Variants in CARS2 observed in about 807,000 individuals in gnomAD.
The protein encoded by CARS2 is probable cysteine--tRNA ligase, mitochondrial.
A neutral mutation model predicts 68.8 loss-of-function variants in CARS2; 52 were observed. That is an observed-to-expected ratio of 0.76 (90% CI 0.61 to 0.95). The LOEUF is 0.95. Ranked by LOEUF, CARS2 falls within the 40% of genes least tolerant of loss-of-function variation. CARS2 has a pLI of 0.00. For synonymous variants in CARS2, 314 were observed against 303.6 expected, an observed-to-expected ratio of 1.03 and a Z score of -0.36; for missense variants, 780 against 754.2, an observed-to-expected ratio of 1.03 and a Z score of -0.40.
chr13:110,710,760 C>T (rs1324874307), upstream of CARS2, among the ~76,000 whole-genome samples: 1 of 152,174 alleles, frequency 6.6e-6, no homozygotes. Flanking sequence ...GAATGTAAAG[C>T]TCCAAAAAAC....
At chr13:110,662,493 C>T (rs757427695) in intron 9 of CARS2, among the ~76,000 whole-genome samples, 15 of 152,398 alleles carry the variant, frequency 9.8e-5, no homozygotes, top group African/African-American at 1.4e-4. Context: ...GTGCCGTGCA[C>T]GCTCTAACAC....
intron 1 of CARS2, chr13:110,712,530 A>AAGGGG (rs1555306511): frequency 4.9e-5 from 12 of 246,686 alleles, no homozygotes; most frequent in Admixed American, 2.3e-4. Context: ...TTTGGCCGGA[A>AAGGGG]GGGGGGGGGC....
chr13:110,642,814 A>T (rs1284758067), intron 13 of CARS2: 1 of 662,074 alleles, frequency 1.5e-6, no homozygotes, highest in African/African-American at 1.8e-5. Flanking sequence ...CCCTGAACAC[A>T]AACGCTCCCT....
At position 110,705,397 on chromosome 13, in the gene CARS2, G is replaced by A. The variant is rs1251546375; in HGVS notation, c.275+124C>T. The A allele has an allele frequency of 6.0e-6, 4 of 668,522 alleles. No homozygotes were observed. The highest frequency in any genetic ancestry group is 6.1e-5 in the Admixed American group (2 of 32,844). The allele number at this position is 668,522 out of a possible 1,614,324, so 41.4% of individuals were successfully genotyped here. On this transcript the variant is annotated intron_variant, in intron 2 of 14. Coordinates refer to ENST00000257347, the MANE Select transcript of CARS2 (RefSeq NM_024537.4). This position sits in a 1 kb window ranked among gnomAD's most constrained non-coding sequence, Gnocchi z 4.0. ...ATGAGGTTGTAACATTTCCCACAAT[G>A]CCTGGAATGTAGGAATTATTCTGCA...
In CARS2 at chr13:110,670,224, G is replaced by A. The variant is rs543282652; in HGVS notation, c.786-2751C>T. Among the ~76,000 whole-genome samples, 4 of 152,280 alleles carry A rather than the reference G, an allele frequency of 2.6e-5. No homozygotes were observed. Among genetic ancestry groups the A allele is most frequent in the East Asian group, 1.9e-4 (1 of 5,176 alleles). On this transcript the variant is annotated intron_variant, in intron 7 of 14. Transcript: ENST00000257347. The surrounding 1 kb of genome is among the most constrained non-coding windows in gnomAD (Gnocchi z 4.1). ...TGAAGAGTAGTGGTTCTCCCAGCAC[G>A]GAGTTTGAGATCTGAGAACGGACAG...
chr13:110,681,460 T>C (rs1186349305), intron 6 of CARS2, among the ~76,000 whole-genome samples: 1 of 152,212 alleles, frequency 6.6e-6, no homozygotes, highest in Non-Finnish European at 1.5e-5. Context: ...AAAGCACTGC[T>C]GTGAAGATGT....
intron 1 of CARS2, chr13:110,712,997 T>C (rs1411291189): frequency 9.7e-6 from 15 of 1,546,016 alleles, no homozygotes; most frequent in Admixed American, 1.9e-5. Flanking sequence ...CCGCGCACTC[T>C]GCGGCCGCAG....
In CARS2 at chr13:110,653,459, G is replaced by A. The variant is rs1199031563; in HGVS notation, c.988-2359C>T. ...TCCTGCCGGTTTCAGTTCAGGTTGC[G>A]CCCTATTTAGGTCTCCGGGTTTCGG... On this transcript the variant is annotated intron_variant, in intron 9 of 14. Transcript: ENST00000257347. This position sits in a 1 kb window ranked among gnomAD's most constrained non-coding sequence, Gnocchi z 5.6. Among the ~76,000 whole-genome samples the A allele has an allele frequency of 1.3e-5, 2 of 152,098 alleles. No homozygotes were observed. The highest frequency in any genetic ancestry group is 2.9e-5 in the Non-Finnish European group (2 of 68,016).
chr13:110,652,867 C>T (rs1300638109), intron 9 of CARS2, among the ~76,000 whole-genome samples: 1 of 152,094 alleles, frequency 6.6e-6, no homozygotes, highest in African/African-American at 2.4e-5. Context: ...CAGCCTTGCA[C>T]CGAAATGGGT....
intron 10 of CARS2, among the ~76,000 whole-genome samples, chr13:110,647,968 G>T (rs1454940250): frequency 6.6e-6 from 1 of 152,212 alleles, no homozygotes; most frequent in Non-Finnish European, 1.5e-5. Context: ...TTTGAGGAGT[G>T]CTGCTTTAAA....
chr13:110,642,540 G>C lies in CARS2; in HGVS notation c.1417-19C>G. The C allele has an allele frequency of 1.2e-6, 2 of 1,606,796 alleles. No individual in the cohort carries two copies. The highest frequency in any genetic ancestry group is 2.2e-5 in the South Asian group (2 of 90,100). On this transcript the variant is annotated intron_variant, in intron 13 of 14. Coordinates refer to ENST00000257347, the MANE Select transcript of CARS2 (RefSeq NM_024537.4). ...AAACGTACTGAAGCCAGCAGGGCGC[G>C]GTTACGTCCCCCGGAGACTGTGGAT... is the stretch of plus-strand genomic sequence containing the variant.
At chr13:110,642,584 AC>A in intron 13 of CARS2, 63 bp from the exon 14 acceptor site, 1 of 1,483,174 alleles carries the variant, frequency 6.7e-7, no homozygotes, top group South Asian at 1.1e-5. Context: ...CCCCCTCCCC[AC>A]CCCGTGGTTG....
intron 7 of CARS2, among the ~76,000 whole-genome samples, chr13:110,672,488 G>C (rs976834817): frequency 6.6e-6 from 1 of 152,192 alleles, no homozygotes; most frequent in African/African-American, 2.4e-5. Context: ...TGAAATGAAG[G>C]CAGCAGTAAA....
chr13:110,667,874 C>A (rs559492444), intron 7 of CARS2, among the ~76,000 whole-genome samples: 2 of 152,182 alleles, frequency 1.3e-5, no homozygotes, highest in African/African-American at 2.4e-5. Flanking sequence ...CAGTCACCTA[C>A]GAATAACAAG....
At chr13:110,695,230 G>A (rs565356332) in intron 3 of CARS2, among the ~76,000 whole-genome samples, 202 of 152,182 alleles carry the variant, frequency 1.3e-3, no homozygotes, top group African/African-American at 3.6e-3. Flanking sequence ...GTAGTGAGCC[G>A]TGATTATGCC....
At chr13:110,651,236 C>T in intron 9 of CARS2, 136 bp from the exon 10 acceptor site, 1 of 591,638 alleles carries the variant, frequency 1.7e-6, no homozygotes. Flanking sequence ...AAAATGAGCC[C>T]TCCAAACTCA....
chr13:110,706,986 A>C (rs1255501334), upstream of CARS2, among the ~76,000 whole-genome samples: 1 of 150,258 alleles, frequency 6.7e-6, no homozygotes, highest in East Asian at 2.0e-4. Context: ...TGTGCACTCC[A>C]ATACAGTGTG....
intron 9 of CARS2, among the ~76,000 whole-genome samples, chr13:110,662,641 C>A (rs1405724011): frequency 3.3e-5 from 5 of 152,358 alleles, no homozygotes; most frequent in Admixed American, 3.3e-4. Flanking sequence ...AAAATCATCA[C>A]AACTACTGAA....
At chr13:110,654,170 G>A (rs748202451) in intron 9 of CARS2, among the ~76,000 whole-genome samples, 10 of 152,196 alleles carry the variant, frequency 6.6e-5, no homozygotes, top group African/African-American at 2.2e-4. Context: ...TGATGCCAGC[G>A]CTGCACACAC....
Sources: allele counts gnomAD v4.1 joint callset (sites outside exome capture counted in the v4.1 genomes callset), GRCh38; gene constraint gnomAD v4.1.1; non-coding constraint Gnocchi (gnomAD v3.1); transcripts MANE v1.5; gene names NCBI Gene and HGNC (gene_info 2026-07-23, HGNC 2026-07-21).